Variants in TSEN2 observed in about 807,000 individuals in gnomAD.
TSEN2 encodes the protein tRNA-splicing endonuclease subunit Sen2.
In TSEN2, 54 loss-of-function variants were observed where a neutral mutation model predicts 59.2. The ratio of observed to expected loss-of-function variants is 0.91; its 90% CI spans 0.73 to 1.14. TSEN2 has a LOEUF of 1.14. TSEN2 is among the 50% of genes most tolerant of loss of function. The pLI is 0.00. For synonymous variants in TSEN2, 195 were observed against 198.2 expected (o/e 0.98, Z 0.14); for missense variants, 636 against 576.2 (o/e 1.10, Z -1.06).
At chr3:12,512,291 A>G (rs2055555848) in intron 6 of TSEN2, among the ~76,000 whole-genome samples, 2 of 152,260 alleles carry the variant, frequency 1.3e-5, no homozygotes, top group Admixed American at 6.5e-5. Flanking sequence ...CTTCAATGCA[A>G]TGTTTTTTAT....
At chr3:12,508,540 A>G (rs138935447) in intron 6 of TSEN2, among the ~76,000 whole-genome samples, 3 of 152,278 alleles carry the variant, frequency 2.0e-5, no homozygotes, top group Admixed American at 1.3e-4. Context: ...GTGATTCACA[A>G]CAGCTCTCTT....
chr3:12,486,515 G>A (rs1332523342), intron 1 of TSEN2, among the ~76,000 whole-genome samples: 2 of 152,144 alleles, frequency 1.3e-5, no homozygotes, highest in African/African-American at 2.4e-5. Flanking sequence ...ACATGGCCTG[G>A]GGAATGTCTT....
At chr3:12,534,615 A>T (rs2125272390), downstream of TSEN2, among the ~76,000 whole-genome samples, 1 of 152,182 alleles carries the variant, frequency 6.6e-6, no homozygotes, top group Non-Finnish European at 1.5e-5. Context: ...ATCCTGGCTA[A>T]CACGGTGAAA....
chr3:12,537,457 A>G (rs548254563), downstream of TSEN2, among the ~76,000 whole-genome samples: 29 of 152,316 alleles, frequency 1.9e-4, no homozygotes, highest in South Asian at 5.8e-3. Flanking sequence ...AATTAGCATG[A>G]AATAGGCATT....
chr3:12,516,452 G>A lies in TSEN2; in HGVS notation c.910-159G>A, dbSNP rs1318431473. On this transcript the variant is annotated intron_variant, in intron 6 of 11. Coordinates refer to ENST00000284995, the MANE Select transcript of TSEN2 (RefSeq NM_025265.4). ...AAACAAACAAACAAAATATATGTGT[G>A]TGTGTGTGTGTGTGTGTGTGTGTGT... Among the ~76,000 whole-genome samples the A allele has an allele frequency of 3.3e-4, 32 of 96,588 alleles. 1 individual carries two copies. Among genetic ancestry groups the A allele is most frequent in the African/African-American group, 1.6e-3 (29 of 18,384 alleles). 63.4% of individuals were successfully genotyped at this position (96,588 alleles called of 152,430 possible).
intron 1 of TSEN2, among the ~76,000 whole-genome samples, chr3:12,486,675 C>T (rs2052647272): frequency 6.6e-6 from 1 of 152,210 alleles, no homozygotes; most frequent in Non-Finnish European, 1.5e-5. Flanking sequence ...ACATTTTCGT[C>T]ACCCTCCAAA....
intron 4 of TSEN2, among the ~76,000 whole-genome samples, chr3:12,501,420 G>A (rs553877579): frequency 6.8e-4 from 104 of 152,146 alleles, no homozygotes; most frequent in Non-Finnish European, 1.2e-3. Flanking sequence ...TTAATCTTTA[G>A]GATACAATTC....
At chr3:12,528,815 C>T (rs1326504140) in intron 8 of TSEN2, 73 bp from the exon 9 acceptor site, 3 of 1,534,866 alleles carry the variant, frequency 2.0e-6, no homozygotes, top group Non-Finnish European at 9.0e-7. Context: ...ATAAAGCAAG[C>T]TTTTTGTTGA....
chr3:12,534,502 T>C (rs1050562408), downstream of TSEN2, among the ~76,000 whole-genome samples: 1 of 152,134 alleles, frequency 6.6e-6, no homozygotes, highest in African/African-American at 2.4e-5. Context: ...GATGTTTACC[T>C]AATCGTGTGG....
At chr3:12,480,906 C>T (rs2052185382), upstream of TSEN2, among the ~76,000 whole-genome samples, 1 of 152,166 alleles carries the variant, frequency 6.6e-6, no homozygotes, top group Non-Finnish European at 1.5e-5. Flanking sequence ...CCCCGTAGAT[C>T]CGTATCCTCA....
chr3:12,506,029 A>AG (rs1033561424), intron 6 of TSEN2, among the ~76,000 whole-genome samples: 1 of 152,098 alleles, frequency 6.6e-6, no homozygotes, highest in African/African-American at 2.4e-5. Context: ...TGCCGGGGGT[A>AG]GGGGGGTGGA....
intron 3 of TSEN2, 76 bp from the exon 4 acceptor site, chr3:12,496,440 TCA>T: frequency 1.4e-6 from 2 of 1,468,642 alleles, no homozygotes. Flanking sequence ...CTTAAAATTC[TCA>T]GTCTTTCCTA....
chr3:12,530,006 G>C, intron 10 of TSEN2, 133 bp downstream of exon 10: 1 of 1,491,008 alleles, frequency 6.7e-7, no homozygotes, highest in Non-Finnish European at 8.9e-7. Flanking sequence ...CATGCTGGAA[G>C]ATTTGGGGTC....
At chr3:12,488,013 A>G (rs1017118807) in intron 1 of TSEN2, among the ~76,000 whole-genome samples, 3 of 152,128 alleles carry the variant, frequency 2.0e-5, no homozygotes, top group African/African-American at 4.8e-5. Context: ...TTGATGTATC[A>G]TTTCCTCTAA....
At chr3:12,538,340 T>C (rs950905729), downstream of TSEN2, among the ~76,000 whole-genome samples, 3 of 152,208 alleles carry the variant, frequency 2.0e-5, no homozygotes, top group Admixed American at 6.5e-5. Flanking sequence ...GGGAGGCTTT[T>C]AGAGGGTGTG....
intron 8 of TSEN2, among the ~76,000 whole-genome samples, chr3:12,523,532 T>TTTTTTTTTTTTTTTTTC (rs2056834650): frequency 8.0e-6 from 1 of 125,444 alleles, no homozygotes; most frequent in Non-Finnish European, 1.7e-5. Flanking sequence ...GATTCTTTTT[T>TTTTTTTTTTTTTTTTTC]TTTTTTTTTT....
At chr3:12,523,894 T>C (rs1365912078) in intron 8 of TSEN2, among the ~76,000 whole-genome samples, 2 of 152,182 alleles carry the variant, frequency 1.3e-5, no homozygotes, top group Non-Finnish European at 2.9e-5. Flanking sequence ...AAACTTTTGA[T>C]ATATTTTTGT....
At chr3:12,535,964 T>A (rs2057665583), downstream of TSEN2, among the ~76,000 whole-genome samples, 1 of 152,182 alleles carries the variant, frequency 6.6e-6, no homozygotes, top group Non-Finnish European at 1.5e-5. Flanking sequence ...AATTACCACC[T>A]CCTCAGTTGC....
At chr3:12,495,914 A>T (rs1023756493) in intron 3 of TSEN2, among the ~76,000 whole-genome samples, 6 of 152,176 alleles carry the variant, frequency 3.9e-5, no homozygotes, top group Non-Finnish European at 8.8e-5. Context: ...AGGCAAGTTA[A>T]CTACAACCAA....
Sources: allele counts gnomAD v4.1 joint callset (sites outside exome capture counted in the v4.1 genomes callset), GRCh38; gene constraint gnomAD v4.1.1; transcripts MANE v1.5; gene names NCBI Gene and HGNC (gene_info 2026-07-23, HGNC 2026-07-21).